The following MYLK4 variants were observed in gnomAD, a reference collection of about 807,000 sequenced individuals.
The protein encoded by MYLK4 is caMLCK like.
A neutral mutation model predicts 48.1 loss-of-function variants in MYLK4; 46 were observed. That is an observed-to-expected ratio of 0.96 (90% CI 0.75 to 1.22). The LOEUF (loss-of-function observed/expected upper bound fraction) is 1.22, where lower values mean the gene tolerates loss of function less well. Among genes scored for constraint, MYLK4 ranks in the 50% most tolerant of loss-of-function variants. The probability of loss-of-function intolerance (pLI) is 0.00; values close to 1 mark genes in which losing one functional copy is unlikely to be tolerated. For missense variants in MYLK4, 451 were observed against 486.1 expected (o/e 0.93, Z 0.68); for synonymous variants, 170 against 180.8 (o/e 0.94, Z 0.48).
upstream of MYLK4, among the ~76,000 whole-genome samples, chr6:2,751,477 C>A (rs1197681005): frequency 6.6e-6 from 1 of 152,196 alleles, no homozygotes; most frequent in Non-Finnish European, 1.5e-5. Flanking sequence ...TCTCCTTAAG[C>A]AACACTAGGA....
At chr6:2,729,627 T>C (rs562736662) in intron 2 of MYLK4, among the ~76,000 whole-genome samples, 1 of 152,312 alleles carries the variant, frequency 6.6e-6, no homozygotes, top group African/African-American at 2.4e-5. Context: ...CCTCTCAGGA[T>C]GCTTTCCAGA....
rs948438249 is a variant in MYLK4, at chr6:2,673,322, C to T, written c.1119+1725G>A. On this transcript the variant is annotated intron_variant, in intron 11 of 12. Coordinates refer to ENST00000274643, the MANE Select transcript of MYLK4 (RefSeq NM_001012418.5). The surrounding 1 kb of genome is among the most constrained non-coding windows in gnomAD (Gnocchi z 4.2). ...AGGTAATAAGTCTATTTTTACTTGA[C>T]ATCAGTACCAATTATCAAGGAAAGG... Among the ~76,000 whole-genome samples, 5 of 152,142 alleles carry T rather than the reference C, an allele frequency of 3.3e-5. No individual in the cohort carries two copies. The highest frequency in any genetic ancestry group is 9.7e-5 in the African/African-American group (4 of 41,420).
At chr6:2,757,139 CTTTT>C in the MYLK4 span, among the ~76,000 whole-genome samples, 1 of 144,232 alleles carries the variant, frequency 6.9e-6, no homozygotes, top group African/African-American at 2.5e-5. Context: ...CAGAGGTGTG[CTTTT>C]TTTTTTTTTA....
At chr6:2,695,834 T>G (rs1410767886) in intron 2 of MYLK4, among the ~76,000 whole-genome samples, 2 of 152,252 alleles carry the variant, frequency 1.3e-5, no homozygotes, top group South Asian at 2.1e-4. Flanking sequence ...AGCTCAAGTT[T>G]GTAGATACAC....
intron 2 of MYLK4, among the ~76,000 whole-genome samples, chr6:2,715,540 C>G (rs1187163733): frequency 2.0e-5 from 3 of 152,122 alleles, no homozygotes; most frequent in African/African-American, 7.2e-5. Flanking sequence ...GTTAACATTA[C>G]CTGTTGTATG....
chr6:2,687,403 A>G (rs1251139247), intron 4 of MYLK4, among the ~76,000 whole-genome samples: 2 of 152,198 alleles, frequency 1.3e-5, no homozygotes, highest in East Asian at 3.9e-4. Flanking sequence ...CTGCAGTACC[A>G]AAGAGAAGAT....
chr6:2,734,382 C>A (rs191388071), intron 2 of MYLK4, among the ~76,000 whole-genome samples: 1 of 152,296 alleles, frequency 6.6e-6, no homozygotes, highest in African/African-American at 2.4e-5. Flanking sequence ...TCCAGGAGAC[C>A]AATGTGACCC....
chr6:2,749,211 C>T lies in MYLK4; in HGVS notation c.84G>A (p.Arg28=). 1.9e-6 allele frequency: 3 copies of T among 1,614,028 alleles called. No homozygotes were observed. The highest frequency in any genetic ancestry group is 1.1e-5 in the South Asian group (1 of 91,074). ...AACACTTCACTTTCTCCACCTCTTC[C>T]CTGCACTGAAAAAAGGCCATTTTCT... ...QLEKMAFFQC[R]EEVEKVKCFL... is the part of the protein sequence containing the mutation. The change falls in exon 2 of 13, where the codon AGG becomes AGA. Residue 28 remains arginine, a synonymous_variant. Coordinates refer to ENST00000274643, the MANE Select transcript of MYLK4 (RefSeq NM_001012418.5).
intron 2 of MYLK4, among the ~76,000 whole-genome samples, chr6:2,707,148 C>T (rs1223837095): frequency 6.6e-6 from 1 of 152,168 alleles, no homozygotes; most frequent in Non-Finnish European, 1.5e-5. Context: ...ATACTCCATA[C>T]TCAGGTCCTA....
At chr6:2,677,949 T>G (rs1360365168) in intron 10 of MYLK4, among the ~76,000 whole-genome samples, 3 of 152,244 alleles carry the variant, frequency 2.0e-5, no homozygotes, top group Admixed American at 2.0e-4. Context: ...GCCTTCCATT[T>G]TGACAGTGAG....
chr6:2,770,089 T>C, the MYLK4 span: 2 of 1,611,904 alleles, frequency 1.2e-6, no homozygotes, highest in South Asian at 2.2e-5. Flanking sequence ...TTGACTGGAA[T>C]CACTTTTTTC....
At chr6:2,766,283 A>G in the MYLK4 span, 1 of 1,592,530 alleles carries the variant, frequency 6.3e-7, no homozygotes. Context: ...GATCCGACAG[A>G]TGCTACAGGG....
At chr6:2,719,036 G>T (rs1762969687) in intron 2 of MYLK4, among the ~76,000 whole-genome samples, 1 of 152,166 alleles carries the variant, frequency 6.6e-6, no homozygotes, top group African/African-American at 2.4e-5. Context: ...CATTACTTTG[G>T]ACTGTTCTTG....
chr6:2,674,633 G>A (rs981694218), intron 11 of MYLK4, among the ~76,000 whole-genome samples: 2 of 152,140 alleles, frequency 1.3e-5, no homozygotes, highest in Non-Finnish European at 2.9e-5. Context: ...CAGCACTATG[G>A]GAGGCCAAGG....
chr6:2,734,582 A>C (rs1387898662), intron 2 of MYLK4, among the ~76,000 whole-genome samples: 1 of 152,230 alleles, frequency 6.6e-6, no homozygotes, highest in African/African-American at 2.4e-5. Flanking sequence ...CTGGTTCCCA[A>C]GGAATAGCCT....
At chr6:2,767,217 AAC>A in the MYLK4 span, among the ~76,000 whole-genome samples, 1 of 152,196 alleles carries the variant, frequency 6.6e-6, no homozygotes, top group East Asian at 1.9e-4. Flanking sequence ...TCATTGGAAA[AAC>A]ACTTGAGAAA....
intron 2 of MYLK4, among the ~76,000 whole-genome samples, chr6:2,695,566 A>G (rs1171826813): frequency 2.6e-5 from 4 of 152,144 alleles, no homozygotes. Context: ...ATTATATATC[A>G]CATATGTTTT....
At chr6:2,765,590 C>G in the MYLK4 span, 1 of 1,464,668 alleles carries the variant, frequency 6.8e-7, no homozygotes, top group South Asian at 1.3e-5. Context: ...GTTGCTGCGG[C>G]CGCGCCGGGC....
chr6:2,684,833 T>A (rs1761464607), intron 6 of MYLK4, among the ~76,000 whole-genome samples: 1 of 152,144 alleles, frequency 6.6e-6, no homozygotes, highest in Non-Finnish European at 1.5e-5. Flanking sequence ...CTGGGACCAA[T>A]CCCTCTCCGA....
Sources: allele counts gnomAD v4.1 joint callset (sites outside exome capture counted in the v4.1 genomes callset), GRCh38; gene constraint gnomAD v4.1.1; non-coding constraint Gnocchi (gnomAD v3.1); transcripts MANE v1.5; gene names NCBI Gene and HGNC (gene_info 2026-07-23, HGNC 2026-07-21).